The following LRP1B variants were observed in gnomAD, a reference collection of about 807,000 sequenced individuals.
The protein encoded by LRP1B is low-density lipoprotein receptor-related protein 1B.
Under a neutral mutation model 556.6 loss-of-function variants are expected in LRP1B, and 217 were observed. That is an observed-to-expected ratio of 0.39 (90% CI 0.35 to 0.44). LRP1B has a LOEUF of 0.44. Among genes scored for constraint, LRP1B ranks in the 20% least tolerant of loss-of-function variants. LRP1B has a pLI of 1.00. For synonymous variants in LRP1B, 2,047 were observed against 1,865.8 expected (o/e 1.10, Z -2.50); for missense variants, 5,053 against 5,620.8 (o/e 0.90, Z 3.23).
intron 18 of LRP1B, among the ~76,000 whole-genome samples, chr2:140,954,913 G>A (rs1378071185): frequency 6.6e-6 from 1 of 151,916 alleles, no homozygotes; most frequent in African/African-American, 2.4e-5. Flanking sequence ...AAGGCTGAAG[G>A]GAAATCACTG....
At chr2:141,183,104 G>C (rs1681078945) in intron 7 of LRP1B, among the ~76,000 whole-genome samples, 1 of 151,904 alleles carries the variant, frequency 6.6e-6, no homozygotes, top group Admixed American at 6.6e-5. Context: ...AGCAATCTCT[G>C]TATTTAATTT....
chr2:142,127,233 A>G (rs1707688303), intron 1 of LRP1B, among the ~76,000 whole-genome samples: 1 of 151,980 alleles, frequency 6.6e-6, no homozygotes, highest in South Asian at 2.1e-4. Flanking sequence ...CACTTTCCTT[A>G]AATTATTTTT....
chr2:141,089,210 C>T (rs185677483), intron 7 of LRP1B, among the ~76,000 whole-genome samples: 1 of 152,276 alleles, frequency 6.6e-6, no homozygotes, highest in African/African-American at 2.4e-5. Flanking sequence ...ACAGCGGGCT[C>T]TTATTTCTGG....
chr2:140,904,586 C>T (rs544527907), intron 22 of LRP1B, among the ~76,000 whole-genome samples: 1 of 152,076 alleles, frequency 6.6e-6, no homozygotes, highest in African/African-American at 2.4e-5. Flanking sequence ...TATAATTTGT[C>T]ACCATCAAAG....
chr2:141,295,899 G>A (rs1374208909), intron 3 of LRP1B, among the ~76,000 whole-genome samples: 1 of 151,978 alleles, frequency 6.6e-6, no homozygotes, highest in Admixed American at 6.6e-5. Context: ...TTAATGAATT[G>A]TGTTACTCCA....
intron 3 of LRP1B, among the ~76,000 whole-genome samples, chr2:141,331,338 G>A (rs1004380910): frequency 3.3e-5 from 5 of 152,138 alleles, no homozygotes; most frequent in African/African-American, 4.8e-5. Context: ...TAGCACAGGA[G>A]ACAGCATGAG....
rs545998547 is a variant in LRP1B at position 141,307,701 on chromosome 2, G to C, written c.344-53060C>G. 1.6e-3 allele frequency among the ~76,000 whole-genome samples: 242 copies of C among 152,308 alleles called. 1 individual carries two copies. Among genetic ancestry groups the C allele is most frequent in the African/African-American group, 5.6e-3 (234 of 41,560 alleles). On this transcript the variant is annotated intron_variant, in intron 3 of 90. Transcript: ENST00000389484. ...CAGGTGGGTCACTCCTTGGGCCCCA[G>C]TGATGACAGTGGTGGGCTGAGCATG...
At position 141,119,378 on chromosome 2, in the gene LRP1B, C is replaced by T. The variant is rs139917898; in HGVS notation, c.1014-57105G>A. ...CAAATTTTATTTAGGGGTCTCTATG[C>T]ATTCTCTTTCAAAACATTTGCTAGA... On this transcript the variant is annotated intron_variant, in intron 7 of 90. Transcript: ENST00000389484. Among the ~76,000 whole-genome samples the T allele has an allele frequency of 3.9e-3, 593 of 151,964 alleles. 6 individuals are homozygous for T. The highest frequency in any genetic ancestry group is 5.3e-3 in the Non-Finnish European group (362 of 67,838).
intron 6 of LRP1B, among the ~76,000 whole-genome samples, chr2:141,210,504 G>A (rs2105250338): frequency 6.6e-6 from 1 of 151,886 alleles, no homozygotes; most frequent in South Asian, 2.1e-4. Flanking sequence ...TAAACATTAT[G>A]GGTTTCAAAT....
chr2:141,158,496 T>C (rs954893974), intron 7 of LRP1B, among the ~76,000 whole-genome samples: 1 of 152,144 alleles, frequency 6.6e-6, no homozygotes, highest in African/African-American at 2.4e-5. Context: ...AGGTCTCTCC[T>C]GAGTCTATGC....
At chr2:141,004,475 G>A (rs1211607002) in intron 15 of LRP1B, among the ~76,000 whole-genome samples, 1 of 151,904 alleles carries the variant, frequency 6.6e-6, no homozygotes, top group Admixed American at 6.6e-5. Flanking sequence ...GCACTTCCTG[G>A]GTCTGTCTGA....
At chr2:141,431,975 T>C (rs891837150) in intron 3 of LRP1B, among the ~76,000 whole-genome samples, 2 of 152,118 alleles carry the variant, frequency 1.3e-5, no homozygotes, top group African/African-American at 4.8e-5. Flanking sequence ...CTAACTGACC[T>C]AGCTAGAACC....
chr2:141,022,572 T>C (rs781541101), intron 11 of LRP1B, among the ~76,000 whole-genome samples: 2 of 151,970 alleles, frequency 1.3e-5, no homozygotes, highest in Non-Finnish European at 2.9e-5. Context: ...ATCAGTCTTA[T>C]GTACGTTTGA....
intron 7 of LRP1B, among the ~76,000 whole-genome samples, chr2:141,141,603 CTTAAAT>C (rs926980560): frequency 6.6e-6 from 1 of 152,120 alleles, no homozygotes; most frequent in African/African-American, 2.4e-5. Context: ...GTAATGTCAA[CTTAAAT>C]TTAATTACCA....
intron 86 of LRP1B, among the ~76,000 whole-genome samples, chr2:140,257,873 T>C (rs903804362): frequency 6.6e-6 from 1 of 152,152 alleles, no homozygotes; most frequent in African/African-American, 2.4e-5. Flanking sequence ...CCTTAGGCTC[T>C]TCTTAAGCAT....
chr2:140,995,843 T>A, intron 15 of LRP1B, among the ~76,000 whole-genome samples: 1 of 152,030 alleles, frequency 6.6e-6, no homozygotes, highest in Non-Finnish European at 1.5e-5. Context: ...TTAAGTGGGA[T>A]TTATTCACAA....
chr2:140,350,634 T>C (rs1681914225), intron 77 of LRP1B, among the ~76,000 whole-genome samples, 163 bp downstream of exon 77: 1 of 152,002 alleles, frequency 6.6e-6, no homozygotes, highest in African/African-American at 2.4e-5. Flanking sequence ...TGTACAGCTA[T>C]GAGAATGAGT....
chr2:140,999,356 C>G (rs1697344994), intron 15 of LRP1B, among the ~76,000 whole-genome samples: 1 of 151,976 alleles, frequency 6.6e-6, no homozygotes, highest in Non-Finnish European at 1.5e-5. Context: ...AATCCTCTTT[C>G]TTTTCCCTTT....
intron 11 of LRP1B, among the ~76,000 whole-genome samples, chr2:141,047,492 A>C (rs17588423): frequency 0.018 from 2,675 of 152,184 alleles, 39 homozygotes; most frequent in Middle Eastern, 0.041. Context: ...ATTTTAGTCT[A>C]TCTCTCTGCT....
Sources: gnomAD v4.1 joint callset for allele counts (sites outside exome capture counted in the v4.1 genomes callset) on GRCh38, gnomAD v4.1.1 for gene constraint, MANE v1.5 for transcripts, NCBI Gene and HGNC (gene_info 2026-07-23, HGNC 2026-07-21) for gene names.